The following VWF variants were observed in gnomAD, a reference collection of about 807,000 sequenced individuals.
The protein encoded by VWF is Factor VIII related antigen.
Under a neutral mutation model 308.6 loss-of-function variants are expected in VWF, and 176 were observed. The observed-to-expected ratio is 0.57, with a 90% CI of 0.50 to 0.65. The LOEUF (loss-of-function observed/expected upper bound fraction) is 0.65. VWF is among the 30% of genes least tolerant of loss of function. The pLI, the probability that VWF is intolerant of heterozygous loss-of-function variation, is 0.00. For synonymous variants in VWF, 1,385 were observed against 1,443.4 expected (o/e 0.96, Z 0.92); for missense variants, 3,146 against 3,648.2 (o/e 0.86, Z 3.55).
chr12:5,994,307 C>T lies in VWF; in HGVS notation c.6257-104G>A, dbSNP rs188229353. 35 of 1,592,452 alleles carry T rather than the reference C, an allele frequency of 2.2e-5. No individual in the cohort carries two copies. In the East Asian group the frequency reaches 7.4e-4, roughly 34 times the overall value. ...TCTTGATCCTCACCAGAATCTGACCCTCGCTACTAGACCCTGAAATATAAG... is the reference window on the plus strand; with the variant it reads ...TCTTGATCCTCACCAGAATCTGACCTTCGCTACTAGACCCTGAAATATAAG... On this transcript the variant is annotated intron_variant, in intron 36 of 51. Transcript: ENST00000261405.
At chr12:6,043,037 C>G (rs1056355094) in intron 18 of VWF, among the ~76,000 whole-genome samples, 5 of 152,172 alleles carry the variant, frequency 3.3e-5, no homozygotes, top group Non-Finnish European at 5.9e-5. Context: ...GTCTGAGATT[C>G]CCCACCTTAG....
At chr12:6,051,827 C>T (rs1944517118) in intron 16 of VWF, among the ~76,000 whole-genome samples, 1 of 152,022 alleles carries the variant, frequency 6.6e-6, no homozygotes, top group Admixed American at 6.6e-5. Flanking sequence ...GCCCAGGCTG[C>T]TCTCAAACTC....
chr12:6,017,963 A>C (rs1565831150), intron 28 of VWF, among the ~76,000 whole-genome samples: 1 of 152,192 alleles, frequency 6.6e-6, no homozygotes, highest in Non-Finnish European at 1.5e-5. Context: ...AGTGTGGTCA[A>C]AATGAAGCTT....
In VWF at chr12:5,969,340, C is replaced by A; in HGVS notation, c.7600G>T (p.Val2534Phe). The change falls in exon 45 of 52, where the codon GTC becomes TTC. Residue 2534 changes from valine (V) to phenylalanine (F), a missense_variant. Transcript: ENST00000261405. ...ATAAAGACCTCCTCCTTCACTCGGA[C>A]ACACTCATTGATGAGGCAGGGGTTC... ...PENPCLINECVRVKEEVFIQQ... is the reference protein window; with the variant it reads ...PENPCLINECFRVKEEVFIQQ... The A allele has an allele frequency of 1.2e-6, 2 of 1,614,214 alleles. No individual in the cohort carries two copies. Among genetic ancestry groups the A allele is most frequent in the Non-Finnish European group, 1.7e-6 (2 of 1,180,040 alleles).
Position 5,949,414 on chromosome 12 carries a change from A to T in VWF, c.8254-211T>A, listed in dbSNP as rs572508133. Among the ~76,000 whole-genome samples the T allele has an allele frequency of 1.1e-4, 17 of 151,706 alleles. No individual in the cohort carries two copies. The East Asian group carries it at 3.1e-3, about 28-fold the overall frequency. On this transcript the variant is annotated intron_variant, in intron 51 of 51. Transcript: ENST00000261405. ...TCTATGGTAATAATATCATACCCAC[A>T]CCCCTCTAGCTGCAATTTTTATGCA...
intron 40 of VWF, among the ~76,000 whole-genome samples, chr12:5,983,957 AGGAT>A (rs1177572019): frequency 6.8e-6 from 1 of 147,426 alleles, no homozygotes; most frequent in Non-Finnish European, 1.5e-5. Context: ...ATAAATACAT[AGGAT>A]GGATGGATAG....
In VWF at chr12:6,023,842, G is replaced by A. The variant is rs1944161019; in HGVS notation, c.3223-55C>T. On this transcript the variant is annotated intron_variant, in intron 24 of 51. Coordinates refer to ENST00000261405, the MANE Select transcript of VWF (RefSeq NM_000552.5). ...CTATGGCCAGGTGTCAGGAACTCTG[G>A]CTCTTAGTCTGGGTGCAAATGTTCT... 11 of 1,597,186 alleles carry A rather than the reference G, an allele frequency of 6.9e-6. No individual in the cohort carries two copies. In the South Asian group the frequency reaches 1.1e-4, roughly 16 times the overall value.
intron 6 of VWF, among the ~76,000 whole-genome samples, chr12:6,087,644 C>CG (rs1220121354): frequency 2.6e-5 from 4 of 151,884 alleles, no homozygotes; most frequent in Non-Finnish European, 5.9e-5. Flanking sequence ...GGATTACAGG[C>CG]TGAGCCCCCG....
Position 6,025,686 on chromosome 12 carries a change from A to G in VWF, c.3116T>C (p.Leu1039Pro). The G allele has an allele frequency of 6.7e-7, 1 of 1,486,408 alleles. No homozygotes were observed. Among genetic ancestry groups the G allele is most frequent in the Non-Finnish European group, 9.3e-7 (1 of 1,070,650 alleles). 92.1% of individuals were successfully genotyped at this position (1,486,408 alleles called of 1,614,324 possible). A position where few individuals can be genotyped will look rare whatever the true frequency, so the allele number is the denominator to read the frequency against. Residue 1039 changes from leucine (L) to proline (P), a missense_variant, in exon 24 of 52, where the codon CTG becomes CCG. Transcript: ENST00000261405. ...SQCADTRKVP[L>P]DSSPATCHNN... Reference sequence around the variant, plus strand: ...ATGGCAGGTGGCAGGGGATGAGTCCAGAGGCACCTGGGAACCAGGCAAGAG... The same window carrying G: ...ATGGCAGGTGGCAGGGGATGAGTCCGGAGGCACCTGGGAACCAGGCAAGAG...
chr12:6,095,733 G>T, intron 5 of VWF, 149 bp from the exon 6 acceptor site: 1 of 1,106,638 alleles, frequency 9.0e-7, no homozygotes, highest in Non-Finnish European at 1.3e-6. Flanking sequence ...CCAGGCTGGA[G>T]TGCAGCGGCT....
intron 9 of VWF, among the ~76,000 whole-genome samples, 192 bp downstream of exon 9, chr12:6,072,139 G>GT (rs1213762273): frequency 6.6e-6 from 1 of 152,174 alleles, no homozygotes; most frequent in Non-Finnish European, 1.5e-5. Flanking sequence ...TTATTTATCT[G>GT]TAATATACTC....
rs750803573 is a variant in VWF at position 6,110,531 on chromosome 12, C to T, written c.375G>A (p.Gly125=). 6.2e-7 allele frequency: 1 copy of T among 1,614,202 alleles called. No individual in the cohort carries two copies. The highest frequency in any genetic ancestry group is 2.2e-5 in the East Asian group (1 of 44,884). Residue 125 remains glycine (G), a synonymous_variant, in exon 5 of 52, where the codon GGG becomes GGA. Coordinates refer to ENST00000261405, the MANE Select transcript of VWF (RefSeq NM_000552.5). ...SKGLYLETEA[G]YYKLSGEAYG... ...AGGCCTCACCGGACAGCTTGTAGTACCCAGCCTCAGTTTCTAGATACAGCC... is the reference window on the plus strand; with the variant it reads ...AGGCCTCACCGGACAGCTTGTAGTATCCAGCCTCAGTTTCTAGATACAGCC...
intron 34 of VWF, among the ~76,000 whole-genome samples, chr12:6,004,687 TG>T (rs1323887619): frequency 1.3e-5 from 2 of 150,148 alleles, no homozygotes; most frequent in African/African-American, 2.5e-5. Flanking sequence ...CTATAGGATA[TG>T]GAATTAACAT....
At chr12:5,994,692 A>T in intron 35 of VWF, 85 bp from the exon 36 acceptor site, 1 of 1,219,188 alleles carries the variant, frequency 8.2e-7, no homozygotes, top group Non-Finnish European at 1.2e-6. Flanking sequence ...GTTCCTGCAC[A>T]TTCATCACAC....
In VWF at chr12:6,075,003, C is replaced by A. The variant is rs1408142512; in HGVS notation, c.874+332G>T. On this transcript the variant is annotated intron_variant, in intron 7 of 51. Transcript: ENST00000261405. This position sits in a 1 kb window ranked among gnomAD's most constrained non-coding sequence, Gnocchi z 4.7. Reference sequence around the variant, plus strand: ...GGCGGGCAGGCGGTGAAGACAAAAACCAAAACCGCAACTGCCAAGATCTTG... The same window carrying A: ...GGCGGGCAGGCGGTGAAGACAAAAAACAAAACCGCAACTGCCAAGATCTTG... Among the ~76,000 whole-genome samples, 1 of 151,928 alleles carries A rather than the reference C, an allele frequency of 6.6e-6. No individual in the cohort carries two copies. Among genetic ancestry groups the A allele is most frequent in the Non-Finnish European group, 1.5e-5 (1 of 68,014 alleles).
At chr12:6,032,678 A>G (rs1944281037) in intron 20 of VWF, among the ~76,000 whole-genome samples, 1 of 152,048 alleles carries the variant, frequency 6.6e-6, no homozygotes, top group Admixed American at 6.6e-5. Context: ...GTGAATCTTG[A>G]TTCTGCCACT....
At chr12:6,112,823 CACAG>C (rs1160862801) in intron 3 of VWF, among the ~76,000 whole-genome samples, 2 of 142,432 alleles carry the variant, frequency 1.4e-5, no homozygotes, top group African/African-American at 6.1e-5. Flanking sequence ...CACACAGACA[CACAG>C]ACACACACAC....
At chr12:6,102,843 T>G (rs539885601) in intron 5 of VWF, among the ~76,000 whole-genome samples, 6 of 152,302 alleles carry the variant, frequency 3.9e-5, no homozygotes, top group South Asian at 2.1e-4. Context: ...GTAATCCTTA[T>G]CAAAGTACCA....
chr12:6,092,614 T>TGAGAGAGAGA lies in VWF; in HGVS notation c.657+2845_657+2846insTCTCTCTCTC, dbSNP rs1555073700. Among the ~76,000 whole-genome samples the TGAGAGAGAGA allele has an allele frequency of 8.0e-3, 687 of 86,094 alleles. 39 individuals are homozygous for TGAGAGAGAGA. The highest frequency in any genetic ancestry group is 0.031 in the African/African-American group (538 of 17,284). The allele number at this position is 86,094 out of a possible 152,430, so 56.5% of individuals were successfully genotyped here. ...CATGCCCAGCTAGTTAGTGAGTGAG[T>TGAGAGAGAGA]GAGAGTGTGTGTGTGTGTGTGTGTG... On this transcript the variant is annotated intron_variant, in intron 6 of 51. Coordinates refer to ENST00000261405, the MANE Select transcript of VWF (RefSeq NM_000552.5).
Sources: allele counts gnomAD v4.1 joint callset (sites outside exome capture counted in the v4.1 genomes callset), GRCh38; gene constraint gnomAD v4.1.1; non-coding constraint Gnocchi (gnomAD v3.1); transcripts MANE v1.5; gene names NCBI Gene and HGNC (gene_info 2026-07-23, HGNC 2026-07-21).